Variants in PVT1 observed in about 807,000 individuals in gnomAD.
PVT1 encodes the protein Pvt1 oncogene.
At chr8:127,950,027 G>A (rs575455373) in intron 3 of PVT1, among the ~76,000 whole-genome samples, 10 of 152,242 alleles carry the variant, frequency 6.6e-5, no homozygotes, top group Non-Finnish European at 1.2e-4. Flanking sequence ...GAGGACGGGA[G>A]TTTCCCTCCA....
chr8:127,997,044 G>GT (rs1293036762), intron 4 of PVT1, among the ~76,000 whole-genome samples: 22,720 of 80,714 alleles, frequency 0.28, 6,973 homozygotes, highest in East Asian at 0.45. Context: ...ATTTGCTTTC[G>GT]TTTTTTTTTT....
At chr8:127,800,402 C>T (rs192727941) in intron 2 of PVT1, among the ~76,000 whole-genome samples, 2 of 152,226 alleles carry the variant, frequency 1.3e-5, no homozygotes, top group East Asian at 3.9e-4. Context: ...GGCTGGTCCC[C>T]AGAGACAGCT....
At chr8:127,889,410 G>A (rs569259799) in intron 2 of PVT1, among the ~76,000 whole-genome samples, 60 of 150,442 alleles carry the variant, frequency 4.0e-4, no homozygotes, top group African/African-American at 1.3e-3. Context: ...GATTACAGGC[G>A]TGAGCCACCG....
chr8:128,087,070 G>A (rs1318327863), intron 5 of PVT1, among the ~76,000 whole-genome samples: 3 of 152,236 alleles, frequency 2.0e-5, no homozygotes. Context: ...ACTGTTATGT[G>A]ATTGGCAATA....
intron 5 of PVT1, among the ~76,000 whole-genome samples, chr8:128,080,902 A>G (rs995099278): frequency 2.0e-5 from 3 of 152,194 alleles, no homozygotes; most frequent in Admixed American, 1.3e-4. Context: ...TTTAAGATCT[A>G]TATTTAGATT....
intron 2 of PVT1, among the ~76,000 whole-genome samples, chr8:127,843,322 G>A (rs762125401): frequency 7.2e-5 from 11 of 152,178 alleles, no homozygotes; most frequent in African/African-American, 1.4e-4. Context: ...TCCAGCTTGC[G>A]CAACAGAGCG....
At chr8:128,082,516 T>C (rs1814195170) in intron 5 of PVT1, among the ~76,000 whole-genome samples, 1 of 152,158 alleles carries the variant, frequency 6.6e-6, no homozygotes, top group African/African-American at 2.4e-5. Context: ...TCAAAACCAT[T>C]GCCTCCCACT....
intron 2 of PVT1, among the ~76,000 whole-genome samples, chr8:127,822,101 T>C (rs1399476638): frequency 3.9e-5 from 6 of 152,220 alleles, no homozygotes; most frequent in Non-Finnish European, 8.8e-5. Flanking sequence ...TTCATAGAGC[T>C]GTTGTAAGGA....
At chr8:127,848,702 C>T (rs1815066755) in intron 2 of PVT1, among the ~76,000 whole-genome samples, 1 of 152,048 alleles carries the variant, frequency 6.6e-6, no homozygotes, top group South Asian at 2.1e-4. Context: ...AACAAACAAA[C>T]AAACAAAAAA....
chr8:127,937,580 C>CACAGAGAGAGAGAGAG (rs59006608), intron 3 of PVT1, among the ~76,000 whole-genome samples: 9 of 107,866 alleles, frequency 8.3e-5, no homozygotes, highest in African/African-American at 3.3e-4. Context: ...CACACACACA[C>CACAGAGAGAGAGAGAG]AGAGAGAGAG....
In PVT1 at chr8:128,018,298, C is replaced by T. The variant is rs140500008; in HGVS notation, n.912+29007C>T. 1.6e-3 allele frequency among the ~76,000 whole-genome samples: 244 copies of T among 152,334 alleles called. 1 individual carries two copies. The highest frequency in any genetic ancestry group is 4.6e-3 in the Admixed American group (70 of 15,306). On this transcript the variant is annotated intron_variant and non_coding_transcript_variant, in intron 4 of 10. Transcript: ENST00000651587. ...GTCACCCACAGGTCAGCAGTCATGTCATGATTAGCTGCTCTGTGCCAGACA... is the reference window on the plus strand; with the variant it reads ...GTCACCCACAGGTCAGCAGTCATGTTATGATTAGCTGCTCTGTGCCAGACA...
intron 2 of PVT1, among the ~76,000 whole-genome samples, chr8:127,821,000 C>T (rs541045022): frequency 1.6e-4 from 25 of 152,274 alleles, no homozygotes; most frequent in African/African-American, 5.3e-4. Context: ...TGAGCCACTG[C>T]GCCGAGCCTG....
chr8:127,883,010 C>G (rs1045946526), intron 2 of PVT1, among the ~76,000 whole-genome samples: 47 of 151,818 alleles, frequency 3.1e-4, no homozygotes, highest in Non-Finnish European at 1.5e-5. Context: ...CACATACACG[C>G]ACACACATGC....
intron 6 of PVT1, among the ~76,000 whole-genome samples, chr8:128,099,194 G>A (rs144078459): frequency 1.3e-3 from 193 of 152,334 alleles, no homozygotes; most frequent in African/African-American, 4.0e-3. Flanking sequence ...TGCGGGTCAC[G>A]TGATCACACA....
chr8:127,949,933 A>C (rs1325529742), intron 3 of PVT1, among the ~76,000 whole-genome samples: 1 of 152,226 alleles, frequency 6.6e-6, no homozygotes, highest in African/African-American at 2.4e-5. Context: ...TGCCTTAGTC[A>C]CAGGCCAGAG....
intron 3 of PVT1, among the ~76,000 whole-genome samples, chr8:127,973,432 T>C (rs1432566317): frequency 1.3e-5 from 2 of 152,148 alleles, no homozygotes; most frequent in South Asian, 2.1e-4. Context: ...ACTGAGGTCA[T>C]GGGGGTAAAA....
intron 2 of PVT1, among the ~76,000 whole-genome samples, chr8:127,867,599 A>T (rs1815299148): frequency 6.6e-6 from 1 of 152,090 alleles, no homozygotes; most frequent in East Asian, 1.9e-4. Context: ...GGCTGTTGGG[A>T]TGGTAATGCC....
At chr8:128,056,058 C>T (rs948448166) in intron 4 of PVT1, among the ~76,000 whole-genome samples, 1 of 152,220 alleles carries the variant, frequency 6.6e-6, no homozygotes, top group Non-Finnish European at 1.5e-5. Context: ...TCAGCTTCTA[C>T]TCTGCTTAAC....
At chr8:128,023,353 A>G (rs928489883) in intron 4 of PVT1, among the ~76,000 whole-genome samples, 1 of 152,174 alleles carries the variant, frequency 6.6e-6, no homozygotes, top group Non-Finnish European at 1.5e-5. Flanking sequence ...GCCAACTCCT[A>G]GACCTCCATG....
Sources: allele counts gnomAD v4.1 joint callset (sites outside exome capture counted in the v4.1 genomes callset), GRCh38; gene constraint gnomAD v4.1.1; transcripts MANE v1.5; gene names NCBI Gene and HGNC (gene_info 2026-07-23, HGNC 2026-07-21).